PKN2: variants seen among roughly 807,000 people sequenced by gnomAD.
PKN2 encodes protein kinase N2.
In PKN2, 38 loss-of-function variants were observed where a neutral mutation model predicts 119.1. That is an observed-to-expected ratio of 0.32 (90% CI 0.25 to 0.42). The LOEUF (loss-of-function observed/expected upper bound fraction) is 0.42, where lower values mean the gene tolerates loss of function less well. Ranked by LOEUF, PKN2 falls within the 10% of genes least tolerant of loss-of-function variation. The pLI is 1.00. For missense variants in PKN2, 850 were observed against 1,165.1 expected (o/e 0.73, Z 3.94); for synonymous variants, 390 against 384.9 (o/e 1.01, Z -0.15).
chr1:88,707,538 A>G (rs1392015895), intron 1 of PKN2, among the ~76,000 whole-genome samples: 3 of 152,296 alleles, frequency 2.0e-5, no homozygotes, highest in African/African-American at 7.2e-5. Context: ...ACATGATTAT[A>G]GCTTATATGC....
intron 1 of PKN2, among the ~76,000 whole-genome samples, chr1:88,709,345 C>A (rs1037938885): frequency 2.0e-5 from 3 of 152,114 alleles, no homozygotes; most frequent in Admixed American, 2.0e-4. Flanking sequence ...AGCCACTGCA[C>A]CCGGCCCATC....
intron 18 of PKN2, among the ~76,000 whole-genome samples, chr1:88,825,871 T>C (rs1338252879): frequency 6.6e-6 from 1 of 152,206 alleles, no homozygotes; most frequent in African/African-American, 2.4e-5. Flanking sequence ...GCCACATCTC[T>C]TGCTGCTCTC....
chr1:88,820,567 T>G (rs763398605), intron 16 of PKN2, among the ~76,000 whole-genome samples: 15 of 151,574 alleles, frequency 9.9e-5, no homozygotes, highest in Admixed American at 9.2e-4. Flanking sequence ...TAAATAAAAA[T>G]TATTGACCCA....
rs912712256 is a variant in PKN2, at chr1:88,806,076, A to G, written c.1803+59A>G. 3.6e-6 allele frequency: 5 copies of G among 1,384,870 alleles called. No homozygotes were observed. In the African/African-American group the frequency reaches 7.1e-5, roughly 20 times the overall value. 85.8% of individuals were successfully genotyped at this position (1,384,870 alleles called of 1,614,324 possible). ...CACTGAATGAATTAGCAATAAAAGC[A>G]TCATAGTGAATAAGGCGTGTCTTTC... On this transcript the variant is annotated intron_variant, in intron 12 of 21. Transcript: ENST00000370521.
intron 1 of PKN2, among the ~76,000 whole-genome samples, chr1:88,691,964 G>A (rs1666353884): frequency 6.6e-6 from 1 of 151,688 alleles, no homozygotes; most frequent in Non-Finnish European, 1.5e-5. Flanking sequence ...TAAAGGAAAA[G>A]TGTAAATAGA....
chr1:88,809,517 T>C (rs1252372746), intron 15 of PKN2, among the ~76,000 whole-genome samples: 3 of 152,234 alleles, frequency 2.0e-5, no homozygotes, highest in African/African-American at 7.2e-5. Context: ...GTTACGTCTT[T>C]GTGCTGAATC....
chr1:88,795,584 T>C (rs1671031337), intron 8 of PKN2, among the ~76,000 whole-genome samples: 1 of 152,226 alleles, frequency 6.6e-6, no homozygotes, highest in Admixed American at 6.5e-5. Context: ...ATCCTCACAA[T>C]AATCTTATGA....
At chr1:88,718,301 C>T (rs1039350972) in intron 1 of PKN2, among the ~76,000 whole-genome samples, 1 of 152,280 alleles carries the variant, frequency 6.6e-6, no homozygotes, top group Non-Finnish European at 1.5e-5. Context: ...GCAGTCTGTC[C>T]GTTCTCAGAT....
chr1:88,722,822 TTGAC>T (rs1667737256), intron 1 of PKN2, among the ~76,000 whole-genome samples: 1 of 151,730 alleles, frequency 6.6e-6, no homozygotes, highest in Non-Finnish European at 1.5e-5. Context: ...AAATTATTGA[TTGAC>T]TGTGATGTGC....
intron 2 of PKN2, among the ~76,000 whole-genome samples, chr1:88,747,026 C>T (rs1486953480): frequency 6.6e-6 from 1 of 152,122 alleles, no homozygotes; most frequent in African/African-American, 2.4e-5. Context: ...AATGATCTCA[C>T]TTATGTGTGG....
chr1:88,763,622 A>AG (rs1036002307), intron 3 of PKN2, among the ~76,000 whole-genome samples: 23 of 151,898 alleles, frequency 1.5e-4, no homozygotes, highest in Non-Finnish European at 2.7e-4. Flanking sequence ...AAAAAAAAAA[A>AG]AAAAGAAAGT....
chr1:88,798,287 A>G (rs1345804653), intron 8 of PKN2, among the ~76,000 whole-genome samples: 1 of 151,726 alleles, frequency 6.6e-6, no homozygotes, highest in Non-Finnish European at 1.5e-5. Context: ...TTTGTGTTTA[A>G]ATATTTAAAT....
intron 15 of PKN2, among the ~76,000 whole-genome samples, chr1:88,812,715 AAGAC>A (rs1380370947): frequency 1.3e-5 from 2 of 152,142 alleles, no homozygotes; most frequent in Admixed American, 6.5e-5. Flanking sequence ...CAGCTCCTGA[AAGAC>A]AGAGCAAGAT....
At chr1:88,743,430 T>C (rs1668651397) in intron 2 of PKN2, among the ~76,000 whole-genome samples, 1 of 152,156 alleles carries the variant, frequency 6.6e-6, no homozygotes, top group Non-Finnish European at 1.5e-5. Context: ...ATTGAATTTG[T>C]CTTTCCTACT....
At chr1:88,827,648 T>TTCCC (rs1417592269) in intron 18 of PKN2, among the ~76,000 whole-genome samples, 2 of 68,258 alleles carry the variant, frequency 2.9e-5, no homozygotes, top group African/African-American at 9.6e-5. Context: ...CCTCCCCTCT[T>TTCCC]CTCCCCTCCC....
chr1:88,783,870 A>G (rs1186150030), intron 6 of PKN2, among the ~76,000 whole-genome samples: 1 of 152,240 alleles, frequency 6.6e-6, no homozygotes, highest in Non-Finnish European at 1.5e-5. Context: ...GAATGGAAAG[A>G]TAATGTCATT....
intron 15 of PKN2, among the ~76,000 whole-genome samples, chr1:88,812,162 A>G (rs1055296335): frequency 1.3e-5 from 2 of 152,208 alleles, no homozygotes; most frequent in Non-Finnish European, 2.9e-5. Flanking sequence ...TATAAAATGC[A>G]TAAAATTAAA....
At position 88,784,725 on chromosome 1, in the gene PKN2, G is replaced by C; in HGVS notation, c.1072G>C (p.Gly358Arg). Residue 358 changes from glycine (G) to arginine (R), a missense_variant, in exon 7 of 22, where the codon GGT (glycine) becomes CGT (arginine). Physicochemically the swap from Gly to Arg is moderately radical, Grantham distance 125 (BLOSUM62 -2). Coordinates refer to ENST00000370521, the MANE Select transcript of PKN2 (RefSeq NM_006256.4). Reference sequence around the variant, plus strand: ...AAAAGCAACATCAGTTGCACTGCCTGGTTGGAGTCCAAGTGAAACCAGATC... The same window carrying C: ...AAAAGCAACATCAGTTGCACTGCCTCGTTGGAGTCCAAGTGAAACCAGATC... ...RSKATSVALP[G>R]WSPSETRSSF... 1 of 1,612,412 alleles carries C rather than the reference G, an allele frequency of 6.2e-7. No homozygotes were observed. The highest frequency in any genetic ancestry group is 8.5e-7 in the Non-Finnish European group (1 of 1,178,816).
At chr1:88,743,114 C>G (rs1365173591) in intron 2 of PKN2, among the ~76,000 whole-genome samples, 1 of 152,162 alleles carries the variant, frequency 6.6e-6, no homozygotes. Context: ...TGCTTAAACC[C>G]AGGAAGCAGA....
Sources: allele counts gnomAD v4.1 joint callset (sites outside exome capture counted in the v4.1 genomes callset), GRCh38; gene constraint gnomAD v4.1.1; transcripts MANE v1.5; gene names NCBI Gene and HGNC (gene_info 2026-07-23, HGNC 2026-07-21).